Variants in UQCC1 observed in about 807,000 individuals in gnomAD.
The protein encoded by UQCC1 is bFGF-repressed Zic-binding protein.
A neutral mutation model predicts 48.0 loss-of-function variants in UQCC1; 38 were observed. The ratio of observed to expected loss-of-function variants is 0.79; its 90% confidence interval spans 0.61 to 1.04. UQCC1 has a LOEUF of 1.04. Ranked by LOEUF, UQCC1 falls within the 50% of genes least tolerant of loss-of-function variation. The probability of loss-of-function intolerance (pLI) is 0.00; values close to 1 mark genes in which losing one functional copy is unlikely to be tolerated. For missense variants in UQCC1, 368 were observed against 381.8 expected, an observed-to-expected ratio of 0.96 and a Z score of 0.30; for synonymous variants, 111 against 129.2, an observed-to-expected ratio of 0.86 and a Z score of 0.95.
At chr20:35,329,160 A>G (rs948417413) in intron 7 of UQCC1, among the ~76,000 whole-genome samples, 2 of 152,258 alleles carry the variant, frequency 1.3e-5, no homozygotes, top group Admixed American at 1.3e-4. Context: ...AGGCTACAGC[A>G]GTAAACAAGA....
Position 35,354,078 on chromosome 20 carries a change from C to T in UQCC1, c.465-6806G>A, listed in dbSNP as rs1455192132. Among the ~76,000 whole-genome samples, 5 of 152,006 alleles carry T rather than the reference C, an allele frequency of 3.3e-5. No individual in the cohort carries two copies. The East Asian group carries it at 9.6e-4, about 29-fold the overall frequency. On this transcript the variant is annotated intron_variant, in intron 6 of 9. Transcript: ENST00000374385. ...ATAGCCTAGGAGCCATAGGTCATAC[C>T]ATACATCCTAGGTATATAACAGGCT...
At position 35,374,175 on chromosome 20, in the gene UQCC1, A is replaced by G; in HGVS notation, c.406+9T>C. The G allele has an allele frequency of 6.2e-7, 1 of 1,606,208 alleles. No homozygotes were observed. Among genetic ancestry groups the G allele is most frequent in the Non-Finnish European group, 8.5e-7 (1 of 1,173,762 alleles). On this transcript the variant is annotated intron_variant, in intron 5 of 9. Coordinates refer to ENST00000374385, the MANE Select transcript of UQCC1 (RefSeq NM_018244.5). ...TTCTCCTTTTCAGTACTATCAAACA[A>G]TAACTTACTTAGAAAGAATTCCTCG...
At chr20:35,382,203 C>T (rs938515754) in intron 3 of UQCC1, among the ~76,000 whole-genome samples, 178 bp from the exon 4 acceptor site, 2 of 152,058 alleles carry the variant, frequency 1.3e-5, no homozygotes, top group Non-Finnish European at 2.9e-5. Flanking sequence ...AACTTCTGGG[C>T]TCAAGTGATC....
chr20:35,346,265 C>T (rs1476082924), intron 7 of UQCC1: 1 of 152,254 alleles, frequency 6.6e-6, no homozygotes, highest in African/African-American at 2.4e-5. Flanking sequence ...GCAACCCGCT[C>T]AGGTCCCCCT....
At chr20:35,320,494 T>C (rs560209459) in intron 7 of UQCC1, among the ~76,000 whole-genome samples, 2 of 152,338 alleles carry the variant, frequency 1.3e-5, no homozygotes, top group African/African-American at 2.4e-5. Context: ...TAGCTGCCCC[T>C]TCCTGTGCCC....
intron 5 of UQCC1, among the ~76,000 whole-genome samples, chr20:35,371,406 C>T (rs1165230167): frequency 6.7e-6 from 1 of 148,546 alleles, no homozygotes; most frequent in Non-Finnish European, 1.5e-5. Flanking sequence ...GGTGTGATCT[C>T]GACTCACTGC....
At chr20:35,378,867 C>T (rs1345347195) in intron 4 of UQCC1, among the ~76,000 whole-genome samples, 3 of 152,194 alleles carry the variant, frequency 2.0e-5, no homozygotes, top group African/African-American at 7.2e-5. Flanking sequence ...ATTCTGCCCA[C>T]TGGAATACCT....
intron 1 of UQCC1, among the ~76,000 whole-genome samples, chr20:35,409,898 T>C (rs984828876): frequency 1.3e-5 from 2 of 152,020 alleles, no homozygotes; most frequent in Non-Finnish European, 2.9e-5. Flanking sequence ...CTCCGCCTCC[T>C]GGGTTGAAGC....
chr20:35,336,971 A>G (rs1292317865), intron 7 of UQCC1, among the ~76,000 whole-genome samples: 1 of 152,220 alleles, frequency 6.6e-6, no homozygotes, highest in African/African-American at 2.4e-5. Context: ...TGCTCCTCTT[A>G]GCGAGGAGAA....
chr20:35,376,386 T>G (rs1478091584), intron 4 of UQCC1, among the ~76,000 whole-genome samples: 1 of 151,864 alleles, frequency 6.6e-6, no homozygotes, highest in Non-Finnish European at 1.5e-5. Flanking sequence ...AAGATACAAA[T>G]TTTCAGTATC....
rs1477876152 is a variant in UQCC1 at position 35,314,745 on chromosome 20, C to T, written c.594G>A (p.Lys198=). Residue 198 remains lysine (K), a synonymous_variant, in exon 8 of 10, where the codon AAG becomes AAA. Transcript: ENST00000374385. The part of the protein sequence containing the change: ...RVMGVNPYIL[K]KNMILMTNHF... Reference sequence around the variant, plus strand: ...GATTTGTCATGAGGATCATGTTCTTCTTCAGGATATAGGGATTAACCTACA... The same window carrying T: ...GATTTGTCATGAGGATCATGTTCTTTTTCAGGATATAGGGATTAACCTACA... 1.2e-6 allele frequency: 2 copies of T among 1,607,358 alleles called. No homozygotes were observed.
At chr20:35,321,715 C>T (rs2061132731) in intron 7 of UQCC1, among the ~76,000 whole-genome samples, 1 of 152,084 alleles carries the variant, frequency 6.6e-6, no homozygotes, top group South Asian at 2.1e-4. Context: ...TAATACAAAC[C>T]CCTTTCTTAT....
rs2061906301 is a variant in UQCC1 at position 35,383,914 on chromosome 20, C to T, written c.225+124G>A. On this transcript the variant is annotated intron_variant, in intron 3 of 9. Transcript: ENST00000374385. ...CATCCTTGTGACCTTGGGCAAGTCA[C>T]TTTACCCCCTGAGCCTCACCTTCTG... The T allele has an allele frequency of 4.0e-6, 3 of 744,680 alleles. No individual in the cohort carries two copies. In the African/African-American group the frequency reaches 5.2e-5, roughly 13 times the overall value. The allele number at this position is 744,680 out of a possible 1,614,324, so 46.1% of individuals were successfully genotyped here. A position where few individuals can be genotyped will look rare whatever the true frequency, so the allele number is the denominator to read the frequency against.
intron 7 of UQCC1, among the ~76,000 whole-genome samples, chr20:35,327,692 G>A (rs1310830041): frequency 6.6e-6 from 1 of 152,134 alleles, no homozygotes; most frequent in Non-Finnish European, 1.5e-5. Context: ...GTGAGGTTCA[G>A]ATATCCCTTA....
intron 6 of UQCC1, among the ~76,000 whole-genome samples, chr20:35,350,437 C>T (rs1169621832): frequency 6.6e-6 from 1 of 152,188 alleles, no homozygotes. Context: ...TGGCTCACAC[C>T]TGTAATCCTA....
intron 3 of UQCC1, among the ~76,000 whole-genome samples, chr20:35,383,638 C>T (rs2061902667): frequency 6.6e-6 from 1 of 151,932 alleles, no homozygotes; most frequent in African/African-American, 2.4e-5. Context: ...TCGCTTGAAG[C>T]CAGGAGTTTG....
intron 7 of UQCC1, among the ~76,000 whole-genome samples, chr20:35,318,241 AC>A (rs2061084784): frequency 6.6e-6 from 1 of 152,200 alleles, no homozygotes; most frequent in Admixed American, 6.5e-5. Flanking sequence ...CTAGCTCAAT[AC>A]CCTTGAGGAA....
chr20:35,394,044 C>A, intron 2 of UQCC1, 48 bp downstream of exon 2: 1 of 1,552,756 alleles, frequency 6.4e-7, no homozygotes, highest in African/African-American at 1.4e-5. Flanking sequence ...GACATTTGCA[C>A]ATAAACACTA....
intron 7 of UQCC1, among the ~76,000 whole-genome samples, chr20:35,316,765 A>C (rs1169402194): frequency 2.6e-5 from 4 of 151,774 alleles, no homozygotes; most frequent in African/African-American, 7.3e-5. Flanking sequence ...CAGCCTCCCA[A>C]GTAGCTGGGA....
Sources: gnomAD v4.1 joint callset for allele counts (sites outside exome capture counted in the v4.1 genomes callset) on GRCh38, gnomAD v4.1.1 for gene constraint, MANE v1.5 for transcripts, NCBI Gene and HGNC (gene_info 2026-07-23, HGNC 2026-07-21) for gene names.